GOLGA4: variants seen among roughly 807,000 people sequenced by gnomAD.
GOLGA4 encodes golgin A4.
In GOLGA4, 169 loss-of-function variants were observed where a neutral mutation model predicts 265.9. The ratio of observed to expected loss-of-function variants is 0.64; its 90% confidence interval spans 0.56 to 0.72. The LOEUF (loss-of-function observed/expected upper bound fraction) is 0.72. Ranked by LOEUF, GOLGA4 falls within the 30% of genes least tolerant of loss-of-function variation. GOLGA4 has a pLI of 0.00. For missense variants in GOLGA4, 2,482 were observed against 2,483.4 expected (o/e 1.00, Z 0.01); for synonymous variants, 923 against 855.8 (o/e 1.08, Z -1.37).
chr3:37,254,978 T>C (rs1177679407), intron 2 of GOLGA4, among the ~76,000 whole-genome samples: 24 of 150,164 alleles, frequency 1.6e-4, no homozygotes, highest in Admixed American at 1.6e-3. Context: ...TCTAGAAATC[T>C]GTCCTATAGA....
chr3:37,359,379 A>G (rs903485652), intron 22 of GOLGA4, among the ~76,000 whole-genome samples: 4 of 152,208 alleles, frequency 2.6e-5, no homozygotes, highest in Non-Finnish European at 4.4e-5. Flanking sequence ...TAATTGGGTA[A>G]CAAGCATCTC....
At chr3:37,341,509 G>C (rs1016739091) in intron 20 of GOLGA4, 1 of 152,166 alleles carries the variant, frequency 6.6e-6, no homozygotes, top group Non-Finnish European at 1.5e-5. Flanking sequence ...TGTGGATCCT[G>C]TCCAAACTGG....
intron 17 of GOLGA4, 76 bp from the exon 18 acceptor site, chr3:37,337,067 C>G: frequency 1.1e-6 from 1 of 949,412 alleles, no homozygotes; most frequent in Non-Finnish European, 1.6e-6. Flanking sequence ...TTCCTTATAT[C>G]TTTATATTGC....
At chr3:37,275,882 T>G in intron 2 of GOLGA4, 1 of 1,613,772 alleles carries the variant, frequency 6.2e-7, no homozygotes, top group Non-Finnish European at 8.5e-7. Context: ...GGAAGTTACA[T>G]CTTTGGCAAA....
chr3:37,245,627 C>T (rs1293174359), intron 1 of GOLGA4, among the ~76,000 whole-genome samples: 3 of 152,128 alleles, frequency 2.0e-5, no homozygotes, highest in Non-Finnish European at 2.9e-5. Context: ...TAATAATAAG[C>T]TAGTCACAAA....
chr3:37,280,645 T>G (rs1036615174), intron 2 of GOLGA4, among the ~76,000 whole-genome samples: 1 of 152,254 alleles, frequency 6.6e-6, no homozygotes, highest in Non-Finnish European at 1.5e-5. Context: ...TTTAATAGTA[T>G]ATCTTGAACT....
intron 20 of GOLGA4, among the ~76,000 whole-genome samples, chr3:37,344,894 A>G (rs1686611659): frequency 6.6e-6 from 1 of 152,138 alleles, no homozygotes; most frequent in Admixed American, 6.5e-5. Flanking sequence ...ATACCTCAAC[A>G]TTTATGTAGG....
At chr3:37,365,749 T>C (rs1485644637) in intron 23 of GOLGA4, among the ~76,000 whole-genome samples, 1 of 152,128 alleles carries the variant, frequency 6.6e-6, no homozygotes, top group Non-Finnish European at 1.5e-5. Flanking sequence ...ATTGCAAGAA[T>C]GTTAATTTTT....
chr3:37,358,427 G>A (rs1478398125), intron 22 of GOLGA4, among the ~76,000 whole-genome samples: 1 of 152,082 alleles, frequency 6.6e-6, no homozygotes, highest in Non-Finnish European at 1.5e-5. Flanking sequence ...TTATAGATGA[G>A]AAATCACTAT....
At chr3:37,363,828 G>A (rs765643742) in intron 23 of GOLGA4, among the ~76,000 whole-genome samples, 1 of 152,036 alleles carries the variant, frequency 6.6e-6, no homozygotes, top group Non-Finnish European at 1.5e-5. Flanking sequence ...GCATTTAGTG[G>A]TCATATTTTC....
At chr3:37,268,578 T>C (rs1225382759) in intron 2 of GOLGA4, among the ~76,000 whole-genome samples, 1 of 152,152 alleles carries the variant, frequency 6.6e-6, no homozygotes, top group Non-Finnish European at 1.5e-5. Context: ...ACCTTTTTTT[T>C]CTTTTGAGAG....
chr3:37,270,511 C>T (rs2096795856), intron 2 of GOLGA4, among the ~76,000 whole-genome samples: 1 of 152,224 alleles, frequency 6.6e-6, no homozygotes, highest in Non-Finnish European at 1.5e-5. Flanking sequence ...AGCCACAACA[C>T]CAGCCCAGTG....
chr3:37,328,233 GAC>G (rs4021346), intron 14 of GOLGA4, among the ~76,000 whole-genome samples, 181 bp from the exon 15 acceptor site: 8,700 of 138,076 alleles, frequency 0.063, 325 homozygotes, highest in African/African-American at 0.12. Context: ...TATGTACCTG[GAC>G]ACACACACAC....
Position 37,325,308 on chromosome 3 carries a change from T to G in GOLGA4, c.3422T>G (p.Val1141Gly). Reference protein sequence around the residue: ...KLKAHLEKLEVDLNKSLKENT... With the variant: ...KLKAHLEKLEGDLNKSLKENT... ...AAAGCTCATCTTGAAAAGCTAGAGG[T>G]TGACTTGAATAAGTCTCTGAAGGAA... Residue 1141 changes from valine (V) to glycine (G), a missense_variant, in exon 14 of 24, where the codon GTT becomes GGT. Physicochemically the swap from Val to Gly is moderately radical, Grantham distance 109. Around this residue, in one of 3 missense-constraint regions of GOLGA4, gnomAD observed 1,536 missense variants for 1,483.7 expected, o/e 1.04. Transcript: ENST00000361924. 6.2e-7 allele frequency: 1 copy of G among 1,613,782 alleles called. No individual in the cohort carries two copies. Among genetic ancestry groups the G allele is most frequent in the South Asian group, 1.1e-5 (1 of 91,018 alleles).
intron 2 of GOLGA4, among the ~76,000 whole-genome samples, chr3:37,271,198 C>T (rs1466074364): frequency 6.6e-6 from 1 of 151,230 alleles, no homozygotes; most frequent in African/African-American, 2.4e-5. Context: ...CCGTTCCTAA[C>T]AGGCTATGAG....
chr3:37,294,535 C>T (rs1301934803), intron 5 of GOLGA4, among the ~76,000 whole-genome samples: 2 of 152,062 alleles, frequency 1.3e-5, no homozygotes, highest in African/African-American at 4.8e-5. Context: ...CAGATGCCTG[C>T]CACCACGCCT....
At chr3:37,288,135 T>C (rs1383693142) in intron 4 of GOLGA4, among the ~76,000 whole-genome samples, 1 of 146,112 alleles carries the variant, frequency 6.8e-6, no homozygotes, top group Non-Finnish European at 1.5e-5. Context: ...GAAGTCTTGC[T>C]TTGTTGCCTA....
chr3:37,253,490 A>C (rs1355813959), intron 2 of GOLGA4, among the ~76,000 whole-genome samples: 2 of 152,138 alleles, frequency 1.3e-5, no homozygotes, highest in African/African-American at 4.8e-5. Context: ...GTTGTCAAAA[A>C]AGCTTAAAAA....
chr3:37,258,875 G>A (rs1454093591), intron 2 of GOLGA4, among the ~76,000 whole-genome samples: 3 of 151,760 alleles, frequency 2.0e-5, no homozygotes, highest in East Asian at 1.9e-4. Context: ...ATATATTACC[G>A]GATTGATTCA....
Sources: allele counts gnomAD v4.1 joint callset (sites outside exome capture counted in the v4.1 genomes callset), GRCh38; gene constraint gnomAD v4.1.1; regional missense constraint gnomAD v4.1.1; transcripts MANE v1.5; gene names NCBI Gene and HGNC (gene_info 2026-07-23, HGNC 2026-07-21).